The following LRFN5 variants were observed in gnomAD, a reference collection of about 807,000 sequenced individuals.
The protein encoded by LRFN5 is leucine-rich repeat and fibronectin type-III domain-containing protein 5.
Under a neutral mutation model 45.6 loss-of-function variants are expected in LRFN5, and 24 were observed. The ratio of observed to expected loss-of-function variants is 0.53; its 90% CI spans 0.38 to 0.74. The LOEUF (loss-of-function observed/expected upper bound fraction) is 0.74, where lower values mean the gene tolerates loss of function less well. Ranked by LOEUF, LRFN5 falls within the 30% of genes least tolerant of loss-of-function variation. The pLI is 0.00. For synonymous variants in LRFN5, 340 were observed against 313.8 expected, an observed-to-expected ratio of 1.08 and a Z score of -0.88; for missense variants, 776 against 861.5, an observed-to-expected ratio of 0.90 and a Z score of 1.24.
chr14:41,756,396 G>A (rs1395670352), intron 1 of LRFN5, among the ~76,000 whole-genome samples: 1 of 152,144 alleles, frequency 6.6e-6, no homozygotes, highest in African/African-American at 2.4e-5. Context: ...TCATTTTTAG[G>A]TACACCATTC....
At chr14:41,851,916 G>A (rs990268709) in intron 2 of LRFN5, among the ~76,000 whole-genome samples, 2 of 151,402 alleles carry the variant, frequency 1.3e-5, no homozygotes, top group Non-Finnish European at 3.0e-5. Flanking sequence ...TCAAGCTTTG[G>A]TATAGAAACC....
intron 1 of LRFN5, among the ~76,000 whole-genome samples, chr14:41,657,378 C>T (rs908493208): frequency 6.6e-6 from 1 of 151,778 alleles, no homozygotes; most frequent in African/African-American, 2.4e-5. Flanking sequence ...CTGTCCATTT[C>T]GGTTTTATCT....
At chr14:41,780,323 C>T (rs1396633138) in intron 2 of LRFN5, among the ~76,000 whole-genome samples, 1 of 151,836 alleles carries the variant, frequency 6.6e-6, no homozygotes, top group African/African-American at 2.4e-5. Context: ...ATTTCCTTTG[C>T]ATTTCTGTGA....
intron 2 of LRFN5, among the ~76,000 whole-genome samples, chr14:41,775,171 A>G (rs1261343084): frequency 4.3e-5 from 6 of 140,016 alleles, no homozygotes; most frequent in African/African-American, 1.6e-4. Flanking sequence ...GCTCAATGCA[A>G]GCTCCGCCTC....
chr14:41,665,777 A>G (rs1176294112), intron 1 of LRFN5, among the ~76,000 whole-genome samples: 1 of 152,006 alleles, frequency 6.6e-6, no homozygotes, highest in East Asian at 1.9e-4. Context: ...TTCAATTTTA[A>G]TGTGTAGACC....
At chr14:41,639,949 A>ATTTTTTTTTTTTTTTTTTTTTTTTTTT (rs34020254) in intron 1 of LRFN5, among the ~76,000 whole-genome samples, 2 of 68,036 alleles carry the variant, frequency 2.9e-5, no homozygotes, top group Non-Finnish European at 5.3e-5. Flanking sequence ...TGACTGGCTA[A>ATTTTTTTTTTTTTTTTTTTTTTTTTTT]TTTTTTTTTT....
At chr14:41,762,325 T>C (rs1885706298) in intron 1 of LRFN5, among the ~76,000 whole-genome samples, 1 of 152,136 alleles carries the variant, frequency 6.6e-6, no homozygotes, top group Non-Finnish European at 1.5e-5. Flanking sequence ...TTAGTTGTTC[T>C]CGTTTACAAT....
chr14:41,850,443 A>C (rs1170180091), intron 2 of LRFN5, among the ~76,000 whole-genome samples: 1 of 151,860 alleles, frequency 6.6e-6, no homozygotes, highest in African/African-American at 2.4e-5. Context: ...AAGAAAAAAA[A>C]ATCTATATTT....
At chr14:41,674,286 G>A (rs1412367584) in intron 1 of LRFN5, among the ~76,000 whole-genome samples, 1 of 127,986 alleles carries the variant, frequency 7.8e-6, no homozygotes, top group Non-Finnish European at 1.7e-5. Context: ...CCGGGCAGAG[G>A]CGTCCCTCAC....
intron 1 of LRFN5, among the ~76,000 whole-genome samples, chr14:41,659,493 A>C (rs943503183): frequency 1.3e-5 from 2 of 152,118 alleles, no homozygotes; most frequent in Admixed American, 1.3e-4. Context: ...GCTATTGTGA[A>C]TAGTGCCACA....
chr14:41,617,791 G>A (rs1317440636), intron 1 of LRFN5, among the ~76,000 whole-genome samples: 1 of 152,090 alleles, frequency 6.6e-6, no homozygotes, highest in Non-Finnish European at 1.5e-5. Flanking sequence ...CCATTTAAAT[G>A]GACTGGTATG....
At chr14:41,805,557 C>A (rs558085032) in intron 2 of LRFN5, among the ~76,000 whole-genome samples, 2 of 146,744 alleles carry the variant, frequency 1.4e-5, no homozygotes, top group South Asian at 2.2e-4. Context: ...CCCTCCACCC[C>A]CCCCACCCCA....
chr14:41,620,678 T>G (rs972493671), intron 1 of LRFN5, among the ~76,000 whole-genome samples: 6 of 152,116 alleles, frequency 3.9e-5, no homozygotes, highest in Non-Finnish European at 8.8e-5. Context: ...ACTATCGCAC[T>G]TATTATTCTA....
intron 1 of LRFN5, among the ~76,000 whole-genome samples, chr14:41,642,179 A>T (rs1366877367): frequency 5.9e-5 from 9 of 152,138 alleles, no homozygotes; most frequent in Non-Finnish European, 1.0e-4. Flanking sequence ...AACCAACATA[A>T]CTCTTATAAC....
intron 1 of LRFN5, among the ~76,000 whole-genome samples, chr14:41,645,587 A>C (rs183875499): frequency 1.3e-5 from 2 of 152,206 alleles, no homozygotes; most frequent in African/African-American, 4.8e-5. Flanking sequence ...TGTAGATGGT[A>C]TTCAAAAGGA....
intron 2 of LRFN5, among the ~76,000 whole-genome samples, chr14:41,826,545 GA>G (rs1182007899): frequency 6.6e-6 from 1 of 152,102 alleles, no homozygotes; most frequent in African/African-American, 2.4e-5. Context: ...GGATATTATA[GA>G]AAATGCCCAG....
chr14:41,734,137 C>CG (rs201830538), intron 1 of LRFN5, among the ~76,000 whole-genome samples: 8,286 of 142,058 alleles, frequency 0.058, 437 homozygotes, highest in East Asian at 0.31. Context: ...GCAATTCTCC[C>CG]GCCTCAGCCT....
At chr14:41,661,650 CAATCACT>C (rs1880659706) in intron 1 of LRFN5, among the ~76,000 whole-genome samples, 1 of 152,020 alleles carries the variant, frequency 6.6e-6, no homozygotes, top group African/African-American at 2.4e-5. Flanking sequence ...ATAAGAAAAT[CAATCACT>C]TATCGTGTTA....
Position 41,898,887 on chromosome 14 carries a change from TGTTTATGACACTGAA to T in LRFN5, c.2099-29_2099-15del. ...ATCTATTTCTTTTAAAAAAATGAATTGTTTATGACACTGAACATTTTATTCCCAGATGCTTTGCTG... is the reference window on the plus strand; with the variant it reads ...ATCTATTTCTTTTAAAAAAATGAATTCATTTTATTCCCAGATGCTTTGCTG... On this transcript the variant is annotated splice_polypyrimidine_tract_variant and intron_variant, in intron 4 of 5. Coordinates refer to ENST00000298119, the MANE Select transcript of LRFN5 (RefSeq NM_152447.5). 2 of 1,592,026 alleles carry T rather than the reference TGTTTATGACACTGAA, an allele frequency of 1.3e-6. No individual in the cohort carries two copies. The highest frequency in any genetic ancestry group is 1.7e-6 in the Non-Finnish European group (2 of 1,169,770).
Sources: allele counts gnomAD v4.1 joint callset (sites outside exome capture counted in the v4.1 genomes callset), GRCh38; gene constraint gnomAD v4.1.1; transcripts MANE v1.5; gene names NCBI Gene and HGNC (gene_info 2026-07-23, HGNC 2026-07-21).